VPS13A: variants seen among roughly 807,000 people sequenced by gnomAD.
The protein encoded by VPS13A is intermembrane lipid transfer protein VPS13A.
In VPS13A, 264 loss-of-function variants were observed where a neutral mutation model predicts 390.9. The ratio of observed to expected loss-of-function variants is 0.68; its 90% CI spans 0.61 to 0.75. The LOEUF (loss-of-function observed/expected upper bound fraction) is 0.75. VPS13A is among the 30% of genes least tolerant of loss of function. The probability of loss-of-function intolerance (pLI) is 0.00; values close to 1 mark genes in which losing one functional copy is unlikely to be tolerated. For synonymous variants in VPS13A, 1,231 were observed against 1,227.1 expected, an observed-to-expected ratio of 1.00 and a Z score of -0.07; for missense variants, 3,409 against 3,733.9, an observed-to-expected ratio of 0.91 and a Z score of 2.27.
At chr9:77,202,474 G>T (rs1212808782) in intron 3 of VPS13A, among the ~76,000 whole-genome samples, 5 of 151,956 alleles carry the variant, frequency 3.3e-5, no homozygotes, top group African/African-American at 1.2e-4. Context: ...AATCTGAGTT[G>T]ATTTGATCTC....
At chr9:77,394,601 G>A (rs1291431013) in intron 68 of VPS13A, among the ~76,000 whole-genome samples, 1 of 152,212 alleles carries the variant, frequency 6.6e-6, no homozygotes, top group Non-Finnish European at 1.5e-5. Flanking sequence ...ACTGTCTTTT[G>A]AAGCTTTAAA....
chr9:77,263,210 C>G (rs1216597545), intron 23 of VPS13A, among the ~76,000 whole-genome samples: 2 of 151,778 alleles, frequency 1.3e-5, no homozygotes. Flanking sequence ...GGGTTCACGC[C>G]ATTCTCCTGC....
intron 34 of VPS13A, among the ~76,000 whole-genome samples, chr9:77,305,157 C>T (rs1025622158): frequency 2.0e-5 from 3 of 152,090 alleles, no homozygotes; most frequent in African/African-American, 7.2e-5. Context: ...CCAGGATGGT[C>T]TTGATCTCCT....
chr9:77,315,720 A>C lies in VPS13A; in HGVS notation c.4630+250A>C, dbSNP rs1829343158. On this transcript the variant is annotated intron_variant, in intron 38 of 71. Transcript: ENST00000360280. ...AGAATAAGTAATTGTACTTCTCTTC[A>C]GGCAGTAATTTGAAGGAATTTGTCT... is the stretch of plus-strand genomic sequence containing the variant. 3.3e-5 allele frequency among the ~76,000 whole-genome samples: 5 copies of C among 152,252 alleles called. 1 individual carries two copies. The South Asian group carries it at 1.0e-3, about 32-fold the overall frequency.
chr9:77,298,956 C>T (rs1277753000), intron 33 of VPS13A, among the ~76,000 whole-genome samples: 1 of 152,068 alleles, frequency 6.6e-6, no homozygotes, highest in Non-Finnish European at 1.5e-5. Context: ...AGGAAGGGGT[C>T]CAGTTTCAGT....
intron 45 of VPS13A, among the ~76,000 whole-genome samples, chr9:77,329,030 A>G (rs1208181092): frequency 6.6e-6 from 1 of 152,206 alleles, no homozygotes; most frequent in Admixed American, 6.5e-5. Context: ...CAAGACCATC[A>G]GATCTCGTGA....
chr9:77,216,333 G>A (rs951792297), intron 10 of VPS13A, among the ~76,000 whole-genome samples: 1 of 152,108 alleles, frequency 6.6e-6, no homozygotes, highest in Non-Finnish European at 1.5e-5. Context: ...GGAATGAAGG[G>A]TTTCTTTTTG....
rs1822884087 is a variant in VPS13A at position 77,216,669 on chromosome 9, A to C, written c.754+2283A>C. Among the ~76,000 whole-genome samples the C allele has an allele frequency of 2.6e-5, 4 of 152,122 alleles. No homozygotes were observed. In the South Asian group the frequency reaches 8.3e-4, roughly 32 times the overall value. On this transcript the variant is annotated intron_variant, in intron 10 of 71. Coordinates refer to ENST00000360280, the MANE Select transcript of VPS13A (RefSeq NM_033305.3). ...TCTGAGGTATGTTAGGGTTCTCTAG[A>C]GGGACAGAACTAATAGGACAGGTGT...
chr9:77,231,567 G>A (rs1159603057), intron 17 of VPS13A, among the ~76,000 whole-genome samples: 2 of 151,984 alleles, frequency 1.3e-5, no homozygotes, highest in East Asian at 1.9e-4. Flanking sequence ...TTGGCCCTTT[G>A]TATAAGTTCA....
Position 77,321,737 on chromosome 9 carries a change from A to G in VPS13A, c.5821A>G (p.Ile1941Val). 6.2e-7 allele frequency: 1 copy of G among 1,613,232 alleles called. No individual in the cohort carries two copies. Residue 1941 changes from isoleucine to valine, a missense_variant, in exon 44 of 72, where the codon ATT becomes GTT. By Grantham distance (29) the Ile-to-Val change is conservative. Around this residue, in one of 5 missense-constraint regions of VPS13A, gnomAD observed 2,717 missense variants for 2,917.4 expected, o/e 0.93. Transcript: ENST00000360280. ...CAGCCTAAGCAGCAAACTCTTCTTC[A>G]TTCTTCTTAGTAAGTAGTTGAAAAA... Reference protein sequence around the residue: ...MTSLSSKLFFILLTPVNHSTA... With the variant: ...MTSLSSKLFFVLLTPVNHSTA...
At chr9:77,271,803 T>C (rs1000957137) in intron 23 of VPS13A, among the ~76,000 whole-genome samples, 1 of 152,084 alleles carries the variant, frequency 6.6e-6, no homozygotes, top group Non-Finnish European at 1.5e-5. Context: ...AGGAAAATAA[T>C]AGCCCAGTTT....
At chr9:77,302,644 G>T (rs1050207355) in intron 33 of VPS13A, among the ~76,000 whole-genome samples, 3 of 152,050 alleles carry the variant, frequency 2.0e-5, no homozygotes, top group African/African-American at 7.2e-5. Context: ...AAAGTGCTGG[G>T]ATTACAGGTG....
Position 77,213,221 on chromosome 9 carries a change from A to AT in VPS13A, c.616-9dup. 1 of 1,611,592 alleles carries AT rather than the reference A, an allele frequency of 6.2e-7. No homozygotes were observed. The highest frequency in any genetic ancestry group is 8.5e-7 in the Non-Finnish European group (1 of 1,178,232). On this transcript the variant is annotated splice_polypyrimidine_tract_variant and intron_variant, in intron 8 of 71. Coordinates refer to ENST00000360280, the MANE Select transcript of VPS13A (RefSeq NM_033305.3). ...TCAAAGAAAATGAGACATCTAATAAATTTTATTTTCAGTTAATCCGATTGG... is the reference window on the plus strand; with the variant it reads ...TCAAAGAAAATGAGACATCTAATAAATTTTTATTTTCAGTTAATCCGATTGG...
intron 1 of VPS13A, among the ~76,000 whole-genome samples, chr9:77,181,222 T>C (rs925643226): frequency 6.6e-6 from 1 of 152,082 alleles, no homozygotes; most frequent in Admixed American, 6.6e-5. Flanking sequence ...TTTGAAAATT[T>C]CTGTAATAGA....
intron 67 of VPS13A, among the ~76,000 whole-genome samples, chr9:77,377,341 T>TC (rs371551129): frequency 0.059 from 8,755 of 148,332 alleles, 355 homozygotes; most frequent in South Asian, 0.13. Context: ...TGCCTCAGCC[T>TC]CCCAAGTAGC....
chr9:77,281,664 A>C lies in VPS13A; in HGVS notation c.2905-203A>C, dbSNP rs149388752. Among the ~76,000 whole-genome samples the C allele has an allele frequency of 1.6e-3, 242 of 152,104 alleles. 1 individual carries two copies. Among genetic ancestry groups the C allele is most frequent in the African/African-American group, 5.2e-3 (217 of 41,526 alleles). ...ATTGAATACTTGCTATGTGCCAGAG[A>C]GTCCAATACTTACATTTTCTTTTGT... On this transcript the variant is annotated intron_variant, in intron 27 of 71. Coordinates refer to ENST00000360280, the MANE Select transcript of VPS13A (RefSeq NM_033305.3).
At chr9:77,330,045 G>A (rs1830205099) in intron 45 of VPS13A, among the ~76,000 whole-genome samples, 1 of 152,168 alleles carries the variant, frequency 6.6e-6, no homozygotes, top group African/African-American at 2.4e-5. Context: ...TTGAGACACA[G>A]GGTCTTGCTC....
intron 1 of VPS13A, among the ~76,000 whole-genome samples, chr9:77,181,631 C>T (rs1824025150): frequency 6.6e-6 from 1 of 151,896 alleles, no homozygotes; most frequent in South Asian, 2.1e-4. Flanking sequence ...TTTTGCTAGG[C>T]TTCTGAAATA....
intron 16 of VPS13A, 51 bp downstream of exon 16, chr9:77,227,536 GT>G: frequency 1.4e-6 from 2 of 1,386,502 alleles, no homozygotes; most frequent in Non-Finnish European, 2.0e-6. Flanking sequence ...TTATTTATTT[GT>G]TTAGAGACAG....
Sources: gnomAD v4.1 joint callset for allele counts (sites outside exome capture counted in the v4.1 genomes callset) on GRCh38, gnomAD v4.1.1 for gene constraint, gnomAD v4.1.1 regional missense constraint, MANE v1.5 for transcripts, NCBI Gene and HGNC (gene_info 2026-07-23, HGNC 2026-07-21) for gene names.